The following GLIS3 variants were observed in gnomAD, a reference collection of about 807,000 sequenced individuals.
GLIS3 encodes zinc finger protein GLIS3.
Under a neutral mutation model 78.6 loss-of-function variants are expected in GLIS3, and 53 were observed. The observed-to-expected ratio is 0.67, with a 90% CI of 0.54 to 0.85. The LOEUF (loss-of-function observed/expected upper bound fraction) is 0.85, where lower values mean the gene tolerates loss of function less well. Among genes scored for constraint, GLIS3 ranks in the 40% least tolerant of loss-of-function variants. The pLI, the probability that GLIS3 is intolerant of heterozygous loss-of-function variation, is 0.00. For synonymous variants in GLIS3, 684 were observed against 509.9 expected, an observed-to-expected ratio of 1.34 and a Z score of -4.60; for missense variants, 1,703 against 1,231.1, an observed-to-expected ratio of 1.38 and a Z score of -5.74.
chr9:4,237,162 G>C (rs1010960164), intron 2 of GLIS3, among the ~76,000 whole-genome samples: 1 of 151,880 alleles, frequency 6.6e-6, no homozygotes, highest in Non-Finnish European at 1.5e-5. Flanking sequence ...TCCAAAACAA[G>C]GGAAAACTGT....
chr9:4,463,171 G>A, the GLIS3 span, among the ~76,000 whole-genome samples: 3 of 152,176 alleles, frequency 2.0e-5, no homozygotes, highest in Non-Finnish European at 4.4e-5. Context: ...CACAAACACA[G>A]AATACATTTT....
rs183928816 is a variant in GLIS3, at chr9:3,961,769, C to T, written c.1711-24580G>A. Among the ~76,000 whole-genome samples, 25 of 152,274 alleles carry T rather than the reference C, an allele frequency of 1.6e-4. No individual in the cohort carries two copies. The South Asian group carries it at 1.7e-3, about 10-fold the overall frequency. ...AATTTCAAAAAGTTGAGGGGATCTTCGCTGACTACCAATCAAGCATCATGA... is the reference window on the plus strand; with the variant it reads ...AATTTCAAAAAGTTGAGGGGATCTTTGCTGACTACCAATCAAGCATCATGA... On this transcript the variant is annotated intron_variant, in intron 4 of 10. Coordinates refer to ENST00000381971, the MANE Select transcript of GLIS3 (RefSeq NM_001042413.2).
intron 6 of GLIS3, among the ~76,000 whole-genome samples, chr9:3,904,473 C>A (rs1467526136): frequency 6.6e-6 from 1 of 152,208 alleles, no homozygotes; most frequent in Non-Finnish European, 1.5e-5. Flanking sequence ...TCTCTCCACA[C>A]TCCTACACAC....
the GLIS3 span, among the ~76,000 whole-genome samples, chr9:4,480,695 G>GAAGGCAAAAAGAA: frequency 2.6e-5 from 4 of 151,734 alleles, no homozygotes; most frequent in Non-Finnish European, 4.4e-5. Flanking sequence ...ATGTGCTCAG[G>GAAGGCAAAAAGAA]AAGGCAAAAA....
At chr9:4,107,441 T>C (rs540325722) in intron 4 of GLIS3, among the ~76,000 whole-genome samples, 1 of 152,234 alleles carries the variant, frequency 6.6e-6, no homozygotes, top group South Asian at 2.1e-4. Context: ...CTCAACAACA[T>C]GTCTTTCACC....
At chr9:4,356,104 A>T in the GLIS3 span, among the ~76,000 whole-genome samples, 6 of 151,966 alleles carry the variant, frequency 3.9e-5, no homozygotes, top group Admixed American at 2.6e-4. Flanking sequence ...ATCCAAGTCG[A>T]CTCTCTTTGC....
intron 4 of GLIS3, among the ~76,000 whole-genome samples, chr9:3,965,188 CT>C (rs750454441): frequency 2.0e-5 from 2 of 98,998 alleles, no homozygotes; most frequent in African/African-American, 7.9e-5. Flanking sequence ...TCTTTCTTTT[CT>C]TTTCTTTTTT....
At chr9:4,218,081 A>G (rs1821009814) in intron 2 of GLIS3, among the ~76,000 whole-genome samples, 1 of 152,108 alleles carries the variant, frequency 6.6e-6, no homozygotes, top group African/African-American at 2.4e-5. Context: ...CACAAACCCA[A>G]TCCTGTTCCT....
chr9:4,231,626 C>A (rs1198586886), intron 2 of GLIS3, among the ~76,000 whole-genome samples: 4 of 152,132 alleles, frequency 2.6e-5, no homozygotes, highest in African/African-American at 9.7e-5. Flanking sequence ...CAATTAGATG[C>A]TTAGGAAACG....
intron 2 of GLIS3, among the ~76,000 whole-genome samples, chr9:4,216,708 A>G (rs368988411): frequency 1.3e-5 from 2 of 152,134 alleles, no homozygotes; most frequent in Non-Finnish European, 2.9e-5. Flanking sequence ...CTCAAAGTCC[A>G]ATGTGGCCTA....
intron 2 of GLIS3, among the ~76,000 whole-genome samples, chr9:4,237,428 A>C (rs1587092276): frequency 6.6e-6 from 1 of 152,214 alleles, no homozygotes. Context: ...TTTTAACATA[A>C]ATATGCAAAA....
At chr9:4,074,312 CAG>C (rs1033078075) in intron 4 of GLIS3, among the ~76,000 whole-genome samples, 30 of 152,186 alleles carry the variant, frequency 2.0e-4, no homozygotes, top group Non-Finnish European at 2.9e-4. Flanking sequence ...TGGGCTTTGT[CAG>C]AGAAATTCTA....
chr9:3,925,183 A>G (rs2130747371), intron 6 of GLIS3, among the ~76,000 whole-genome samples: 1 of 152,330 alleles, frequency 6.6e-6, no homozygotes, highest in South Asian at 2.1e-4. Flanking sequence ...AGTAAATATA[A>G]GACTACTCCT....
chr9:4,107,925 G>C (rs917535460), intron 4 of GLIS3, among the ~76,000 whole-genome samples: 1 of 151,932 alleles, frequency 6.6e-6, no homozygotes, highest in African/African-American at 2.4e-5. Flanking sequence ...AAACCTCTAC[G>C]TATCCATCAT....
At chr9:4,078,634 G>C (rs896917763) in intron 4 of GLIS3, among the ~76,000 whole-genome samples, 1 of 152,174 alleles carries the variant, frequency 6.6e-6, no homozygotes, top group South Asian at 2.1e-4. Flanking sequence ...AAGCGGTGGA[G>C]AAACCATTAT....
chr9:4,001,765 T>C (rs1225539753), intron 4 of GLIS3, among the ~76,000 whole-genome samples: 4 of 152,216 alleles, frequency 2.6e-5, no homozygotes, highest in African/African-American at 9.6e-5. Flanking sequence ...ATACCAGCTT[T>C]CAATAAACCA....
At chr9:4,086,818 G>C (rs1829068955) in intron 4 of GLIS3, among the ~76,000 whole-genome samples, 2 of 152,174 alleles carry the variant, frequency 1.3e-5, no homozygotes, top group Admixed American at 6.5e-5. Context: ...AACCCCTGTG[G>C]AGATTAATCT....
chr9:3,869,318 C>CAACA (rs1820825366), intron 8 of GLIS3, among the ~76,000 whole-genome samples: 1 of 151,086 alleles, frequency 6.6e-6, no homozygotes, highest in Non-Finnish European at 1.5e-5. Context: ...TTTAAGATAC[C>CAACA]AACATCGCTG....
At chr9:4,150,575 A>G (rs1194331890) in intron 2 of GLIS3, among the ~76,000 whole-genome samples, 5 of 152,236 alleles carry the variant, frequency 3.3e-5, no homozygotes, top group African/African-American at 7.2e-5. Flanking sequence ...TGCAAATCAC[A>G]TCAGAAAACC....
Sources: allele counts gnomAD v4.1 joint callset (sites outside exome capture counted in the v4.1 genomes callset), GRCh38; gene constraint gnomAD v4.1.1; transcripts MANE v1.5; gene names NCBI Gene and HGNC (gene_info 2026-07-23, HGNC 2026-07-21).